The following ANKS1B variants were observed in gnomAD, a reference collection of about 807,000 sequenced individuals.
ANKS1B encodes the protein ankyrin repeat and sterile alpha motif domain-containing protein 1B.
ANKS1B carries 36 observed loss-of-function variants against 148.3 expected under a neutral mutation model. The ratio of observed to expected loss-of-function variants is 0.24; its 90% CI spans 0.19 to 0.32. The LOEUF (loss-of-function observed/expected upper bound fraction) is 0.32. Among genes scored for constraint, ANKS1B ranks in the 10% least tolerant of loss-of-function variants. The probability of loss-of-function intolerance (pLI) is 1.00; values close to 1 mark genes in which losing one functional copy is unlikely to be tolerated. For synonymous variants in ANKS1B, 542 were observed against 560.8 expected, an observed-to-expected ratio of 0.97 and a Z score of 0.47; for missense variants, 1,157 against 1,542.6, an observed-to-expected ratio of 0.75 and a Z score of 4.19.
At chr12:99,474,896 A>G (rs2096292204) in intron 10 of ANKS1B, among the ~76,000 whole-genome samples, 2 of 151,944 alleles carry the variant, frequency 1.3e-5, no homozygotes, top group South Asian at 4.2e-4. Flanking sequence ...GAGTGAAAAT[A>G]TTTATTTTTG....
chr12:99,807,083 A>G (rs2067715644), intron 3 of ANKS1B, among the ~76,000 whole-genome samples: 2 of 152,228 alleles, frequency 1.3e-5, no homozygotes, highest in Non-Finnish European at 2.9e-5. Context: ...CAGACTTTTA[A>G]TAGACTGGCT....
chr12:98,820,993 A>C (rs1221482994), intron 19 of ANKS1B, among the ~76,000 whole-genome samples: 4 of 152,258 alleles, frequency 2.6e-5, no homozygotes, highest in Non-Finnish European at 5.9e-5. Context: ...ATAATTTCTA[A>C]AACAACCCAA....
intron 1 of ANKS1B, among the ~76,000 whole-genome samples, chr12:99,891,324 G>A (rs1435871099): frequency 6.6e-6 from 1 of 152,072 alleles, no homozygotes; most frequent in African/African-American, 2.4e-5. Context: ...GAGTGTGTGT[G>A]TATGTGTGTG....
intron 8 of ANKS1B, among the ~76,000 whole-genome samples, chr12:99,741,653 C>T (rs1349044568): frequency 6.6e-6 from 1 of 151,988 alleles, no homozygotes; most frequent in Non-Finnish European, 1.5e-5. Context: ...GAACAGAAAA[C>T]CAAACACCGC....
At chr12:99,677,644 C>G (rs1319730606) in intron 8 of ANKS1B, among the ~76,000 whole-genome samples, 1 of 152,160 alleles carries the variant, frequency 6.6e-6, no homozygotes, top group East Asian at 1.9e-4. Flanking sequence ...TTATGTAATT[C>G]TGAATAAATT....
intron 12 of ANKS1B, among the ~76,000 whole-genome samples, chr12:99,265,160 G>A (rs1448718860): frequency 1.3e-5 from 2 of 152,130 alleles, no homozygotes; most frequent in African/African-American, 2.4e-5. Flanking sequence ...GTAAAGGACA[G>A]TACAGGTCTA....
intron 1 of ANKS1B, among the ~76,000 whole-genome samples, chr12:99,893,267 C>T (rs549027602): frequency 4.0e-4 from 61 of 151,978 alleles, no homozygotes; most frequent in African/African-American, 1.4e-3. Context: ...AAAAATTAGC[C>T]GGGTGTGGTG....
intron 11 of ANKS1B, among the ~76,000 whole-genome samples, chr12:99,440,680 T>C (rs1594840660): frequency 6.6e-6 from 1 of 151,794 alleles, no homozygotes; most frequent in Non-Finnish European, 1.5e-5. Context: ...AACAAAGCAC[T>C]GGGAAGCCGG....
At chr12:99,559,890 A>G (rs1425448833) in intron 9 of ANKS1B, among the ~76,000 whole-genome samples, 2 of 152,340 alleles carry the variant, frequency 1.3e-5, no homozygotes, top group Non-Finnish European at 1.5e-5. Flanking sequence ...ATGCATAAGA[A>G]AAAAATTTCC....
At chr12:99,407,025 C>T (rs56318743) in intron 11 of ANKS1B, among the ~76,000 whole-genome samples, 5 of 145,380 alleles carry the variant, frequency 3.4e-5, no homozygotes, top group Non-Finnish European at 7.6e-5. Flanking sequence ...TGAACTCATT[C>T]TACAAGGCTG....
chr12:99,603,275 G>A (rs1317962566), intron 9 of ANKS1B, among the ~76,000 whole-genome samples: 2 of 152,038 alleles, frequency 1.3e-5, no homozygotes, highest in African/African-American at 4.8e-5. Flanking sequence ...CTTGAGGCTA[G>A]GAATCCAAGC....
chr12:98,974,174 C>T (rs1002253351), intron 17 of ANKS1B, among the ~76,000 whole-genome samples: 3 of 152,142 alleles, frequency 2.0e-5, no homozygotes, highest in African/African-American at 7.2e-5. Flanking sequence ...TCTAAGGTCA[C>T]AGAGCTAGTG....
chr12:98,855,830 T>TC (rs398116796), intron 17 of ANKS1B, among the ~76,000 whole-genome samples: 3 of 152,120 alleles, frequency 2.0e-5, no homozygotes, highest in Non-Finnish European at 4.4e-5. Context: ...CCTTTTTTTT[T>TC]ACTACTGGCA....
At chr12:99,546,532 A>G (rs2097174066) in intron 9 of ANKS1B, among the ~76,000 whole-genome samples, 1 of 152,290 alleles carries the variant, frequency 6.6e-6, no homozygotes, top group Non-Finnish European at 1.5e-5. Context: ...AGAGGGATCA[A>G]TAATTCTTCC....
At chr12:99,645,051 C>G (rs1413486531) in intron 9 of ANKS1B, among the ~76,000 whole-genome samples, 1 of 152,192 alleles carries the variant, frequency 6.6e-6, no homozygotes, top group Non-Finnish European at 1.5e-5. Flanking sequence ...TGCAAAGTTC[C>G]TCTGCCACAT....
chr12:99,518,465 T>G (rs1250485907), intron 9 of ANKS1B, among the ~76,000 whole-genome samples: 1 of 152,156 alleles, frequency 6.6e-6, no homozygotes, highest in African/African-American at 2.4e-5. Flanking sequence ...TAGTAATTTA[T>G]CCATTTCTTC....
At chr12:99,029,186 A>G (rs2099950541) in intron 17 of ANKS1B, among the ~76,000 whole-genome samples, 1 of 152,238 alleles carries the variant, frequency 6.6e-6, no homozygotes, top group East Asian at 1.9e-4. Context: ...TAAAAATGAC[A>G]TGAGAGTAGG....
intron 9 of ANKS1B, among the ~76,000 whole-genome samples, chr12:98,736,673 C>G (rs909815563): frequency 6.6e-6 from 1 of 151,120 alleles, no homozygotes; most frequent in Admixed American, 6.6e-5. Context: ...CAGGGGGCCC[C>G]AAGACTGAGT....
At chr12:99,189,536 AAT>A (rs2080347940) in intron 14 of ANKS1B, among the ~76,000 whole-genome samples, 1 of 152,230 alleles carries the variant, frequency 6.6e-6, no homozygotes. Context: ...AGGTTGGTTC[AAT>A]ATATATACAA....
Sources: allele counts gnomAD v4.1 joint callset (sites outside exome capture counted in the v4.1 genomes callset), GRCh38; gene constraint gnomAD v4.1.1; transcripts MANE v1.5; gene names NCBI Gene and HGNC (gene_info 2026-07-23, HGNC 2026-07-21).